Variants in ULK4 observed in about 807,000 individuals in gnomAD.
The protein encoded by ULK4 is inactive serine/threonine-protein kinase ULK4.
Under a neutral mutation model 160.6 loss-of-function variants are expected in ULK4, and 133 were observed. That is an observed-to-expected ratio of 0.83 (90% CI 0.72 to 0.96). The LOEUF is 0.96. Ranked by LOEUF, ULK4 falls within the 40% of genes least tolerant of loss-of-function variation. The pLI, the probability that ULK4 is intolerant of heterozygous loss-of-function variation, is 0.00. For missense variants in ULK4, 1,580 were observed against 1,499.5 expected (o/e 1.05, Z -0.89); for synonymous variants, 534 against 539.8 (o/e 0.99, Z 0.15).
In ULK4 at chr3:41,661,545, T is replaced by C. The variant is rs545130531; in HGVS notation, c.3071+2062A>G. 1.5e-4 allele frequency among the ~76,000 whole-genome samples: 22 copies of C among 151,600 alleles called. No individual in the cohort carries two copies. In the Middle Eastern group the frequency reaches 0.01, roughly 71 times the overall value. ...ATAGATAGATAAATAGATAGATAAA[T>C]AGATAGATAATAGACAGACAGACAG... On this transcript the variant is annotated intron_variant, in intron 30 of 36. Transcript: ENST00000301831.
In ULK4 at chr3:41,528,155, C is replaced by T. The variant is rs575774114; in HGVS notation, c.3226+37870G>A. 3.9e-5 allele frequency among the ~76,000 whole-genome samples: 6 copies of T among 152,248 alleles called. No individual in the cohort carries two copies. The South Asian group carries it at 6.2e-4, about 16-fold the overall frequency. On this transcript the variant is annotated intron_variant, in intron 32 of 36. Transcript: ENST00000301831. ...AAATTCAAATAGTATACTCCCTCAT[C>T]GAGCAGGACACAGAAATAACCAGAT...
intron 19 of ULK4, among the ~76,000 whole-genome samples, chr3:41,810,292 T>C (rs1344538027): frequency 1.3e-5 from 2 of 152,208 alleles, no homozygotes; most frequent in Non-Finnish European, 2.9e-5. Context: ...AATCCAGTGT[T>C]AGTGAAAGCC....
intron 18 of ULK4, among the ~76,000 whole-genome samples, chr3:41,834,024 A>G (rs1380837166): frequency 2.0e-5 from 3 of 151,520 alleles, no homozygotes; most frequent in African/African-American, 4.8e-5. Flanking sequence ...CTCTGTAAAT[A>G]TAAGAAATTA....
intron 2 of ULK4, among the ~76,000 whole-genome samples, chr3:41,940,685 A>C (rs1013130592): frequency 1.3e-5 from 2 of 152,100 alleles, no homozygotes; most frequent in Non-Finnish European, 2.9e-5. Flanking sequence ...AAACATTCTT[A>C]CTTATTTTCT....
At chr3:41,304,273 C>CAAAAAAAAAAAAAA (rs368282598) in intron 35 of ULK4, among the ~76,000 whole-genome samples, 12 of 89,702 alleles carry the variant, frequency 1.3e-4, no homozygotes, top group African/African-American at 4.1e-4. Context: ...AGCTCCCCCT[C>CAAAAAAAAAAAAAA]AAAAAAAAAA....
intron 35 of ULK4, among the ~76,000 whole-genome samples, chr3:41,295,304 T>A (rs1482830778): frequency 7.5e-6 from 1 of 134,218 alleles, no homozygotes; most frequent in African/African-American, 2.7e-5. Context: ...TCAAAATGGA[T>A]CACAGACCTA....
chr3:41,881,430 T>C (rs1301317869), intron 17 of ULK4, among the ~76,000 whole-genome samples: 1 of 152,162 alleles, frequency 6.6e-6, no homozygotes, highest in Admixed American at 6.5e-5. Flanking sequence ...TTGAATGACC[T>C]CTAGTGGCTA....
chr3:41,828,796 T>A (rs1241952722), intron 18 of ULK4, among the ~76,000 whole-genome samples: 1 of 152,154 alleles, frequency 6.6e-6, no homozygotes, highest in African/African-American at 2.4e-5. Flanking sequence ...AAAAAACTAC[T>A]TTAAATTTCA....
At chr3:41,685,012 G>A (rs1370183374) in intron 27 of ULK4, among the ~76,000 whole-genome samples, 1 of 152,222 alleles carries the variant, frequency 6.6e-6, no homozygotes, top group East Asian at 1.9e-4. Context: ...TAGCTCAGTA[G>A]CTAAGGCTTT....
intron 17 of ULK4, among the ~76,000 whole-genome samples, chr3:41,858,817 T>TC (rs140811588): frequency 0.15 from 22,453 of 151,322 alleles, 1,861 homozygotes; most frequent in Middle Eastern, 0.31. Context: ...AATTCTTTTT[T>TC]CCCCCCCATA....
chr3:41,536,546 T>C (rs1241894991), intron 32 of ULK4, among the ~76,000 whole-genome samples: 2 of 152,206 alleles, frequency 1.3e-5, no homozygotes, highest in Non-Finnish European at 2.9e-5. Context: ...ATAACGTAAA[T>C]AGTTAACACA....
intron 21 of ULK4, among the ~76,000 whole-genome samples, chr3:41,782,393 C>T (rs1391049223): frequency 4.6e-5 from 7 of 152,054 alleles, no homozygotes; most frequent in East Asian, 1.9e-4. Flanking sequence ...ATGATTTCTG[C>T]GCTCAAATTT....
chr3:41,508,559 C>T (rs1482189139), intron 32 of ULK4, among the ~76,000 whole-genome samples: 1 of 152,116 alleles, frequency 6.6e-6, no homozygotes, highest in Non-Finnish European at 1.5e-5. Flanking sequence ...ACCCAAGGAC[C>T]AAGGCCCACT....
At chr3:41,858,311 C>G (rs1322803847) in intron 17 of ULK4, among the ~76,000 whole-genome samples, 1 of 150,982 alleles carries the variant, frequency 6.6e-6, no homozygotes, top group Non-Finnish European at 1.5e-5. Context: ...GCCACCATGC[C>G]TGGCTAATTT....
intron 35 of ULK4, among the ~76,000 whole-genome samples, chr3:41,355,990 C>T (rs192418114): frequency 8.5e-4 from 129 of 152,240 alleles, no homozygotes; most frequent in African/African-American, 2.9e-3. Context: ...GAAGGATATC[C>T]CACAGCCTCT....
chr3:41,897,329 C>G (rs1698194951), intron 14 of ULK4, among the ~76,000 whole-genome samples: 1 of 152,044 alleles, frequency 6.6e-6, no homozygotes, highest in Admixed American at 6.6e-5. Flanking sequence ...ACAAAAGAGC[C>G]TTTGTATAAA....
At chr3:41,917,284 AC>A (rs2148810015) in intron 7 of ULK4, among the ~76,000 whole-genome samples, 1 of 152,136 alleles carries the variant, frequency 6.6e-6, no homozygotes, top group African/African-American at 2.4e-5. Flanking sequence ...CAGGCGGATC[AC>A]TCGAGGCCAG....
chr3:41,480,192 G>C (rs955347114), intron 32 of ULK4, among the ~76,000 whole-genome samples: 1 of 124,298 alleles, frequency 8.0e-6, no homozygotes, highest in Non-Finnish European at 1.6e-5. Context: ...GGGTGACAGA[G>C]CGAGACTCCG....
intron 18 of ULK4, among the ~76,000 whole-genome samples, chr3:41,825,676 C>T (rs1369281846): frequency 2.0e-5 from 3 of 152,190 alleles, no homozygotes; most frequent in Non-Finnish European, 4.4e-5. Context: ...GCCAAATCTA[C>T]GTCTGATTGG....
Sources: allele counts gnomAD v4.1 joint callset (sites outside exome capture counted in the v4.1 genomes callset), GRCh38; gene constraint gnomAD v4.1.1; transcripts MANE v1.5; gene names NCBI Gene and HGNC (gene_info 2026-07-23, HGNC 2026-07-21).